HNRNPH3: variants seen among roughly 807,000 people sequenced by gnomAD.
The protein encoded by HNRNPH3 is heterogeneous nuclear ribonucleoprotein 2H9.
A neutral mutation model predicts 47.0 loss-of-function variants in HNRNPH3; 7 were observed. The observed-to-expected ratio is 0.15, with a 90% CI of 0.08 to 0.28. HNRNPH3 has a LOEUF of 0.28. HNRNPH3 is among the 10% of genes least tolerant of loss of function. The pLI is 1.00. For synonymous variants in HNRNPH3, 120 were observed against 143.2 expected (o/e 0.84, Z 1.16); for missense variants, 279 against 449.6 (o/e 0.62, Z 3.43).
At position 68,337,273 on chromosome 10, in the gene HNRNPH3, G is replaced by T; in HGVS notation, c.52G>T (p.Val18Leu). Residue 18 changes from valine to leucine, a missense_variant, in exon 2 of 10, where the codon GTA becomes TTA. Transcript: ENST00000265866. This position sits in a 1 kb window ranked among gnomAD's most constrained non-coding sequence, Gnocchi z 4.5. ...NGPNDASDGTVRLRGLPFGCS... is the reference protein window; with the variant it reads ...NGPNDASDGTLRLRGLPFGCS... ...TCCAAATGACGCTAGTGATGGGACA[G>T]TACGACTTCGTGGACTACCATTTGG... is the stretch of plus-strand genomic sequence containing the variant. 4.3e-6 allele frequency: 7 copies of T among 1,613,624 alleles called. No homozygotes were observed. The highest frequency in any genetic ancestry group is 5.9e-6 in the Non-Finnish European group (7 of 1,179,516).
At chr10:68,339,052 CTG>C in intron 4 of HNRNPH3, 86 bp from the exon 5 acceptor site, 1 of 1,055,782 alleles carries the variant, frequency 9.5e-7, no homozygotes. Context: ...GTTACACAGA[CTG>C]TTACCACAAA....
At chr10:68,333,930 A>G (rs2045379439) in intron 1 of HNRNPH3, among the ~76,000 whole-genome samples, 1 of 152,254 alleles carries the variant, frequency 6.6e-6, no homozygotes, top group Non-Finnish European at 1.5e-5. Context: ...TGTCCTGTAA[A>G]GTTATATATG....
At chr10:68,331,971 G>A (rs999009061), upstream of HNRNPH3, 1 of 152,456 alleles carries the variant, frequency 6.6e-6, no homozygotes, top group Non-Finnish European at 1.5e-5. Context: ...ATGCGAAACC[G>A]ACTTTCCCGT....
At chr10:68,336,081 A>G (rs1358019809) in intron 1 of HNRNPH3, among the ~76,000 whole-genome samples, 2 of 152,216 alleles carry the variant, frequency 1.3e-5, no homozygotes, top group Non-Finnish European at 2.9e-5. Context: ...AGATGCACCA[A>G]CAAATAGATG....
Position 68,341,188 on chromosome 10 carries a change from A to G in HNRNPH3, c.654A>G (p.Leu218=). Reference sequence around the variant, plus strand: ...CTTTTATTTAGTTCTTCTCACCACTAAATCCAATACGAGTTCATATTGATA... The same window carrying G: ...CTTTTATTTAGTTCTTCTCACCACTGAATCCAATACGAGTTCATATTGATA... The part of the protein sequence containing the change: ...ENDIANFFSP[L]NPIRVHIDIG... Residue 218 remains leucine, a synonymous_variant, in exon 7 of 10, where the codon CTA becomes CTG. Transcript: ENST00000265866. 6.4e-7 allele frequency: 1 copy of G among 1,574,054 alleles called. No homozygotes were observed. Among genetic ancestry groups the G allele is most frequent in the Non-Finnish European group, 8.6e-7 (1 of 1,166,456 alleles).
intron 3 of HNRNPH3, 95 bp downstream of exon 3, chr10:68,338,091 T>C: frequency 1.1e-6 from 1 of 939,120 alleles, no homozygotes; most frequent in Non-Finnish European, 1.5e-6. Flanking sequence ...AACATTTTTC[T>C]GGGGTAGTTT....
At chr10:68,335,438 T>A (rs78260198) in intron 1 of HNRNPH3, among the ~76,000 whole-genome samples, 11 of 60,966 alleles carry the variant, frequency 1.8e-4, no homozygotes, top group Admixed American at 6.9e-4. Context: ...TTAAAAAAAA[T>A]AAATAAAACG....
Position 68,332,107 on chromosome 10 carries a change from A to G in HNRNPH3, c.-133A>G, listed in dbSNP as rs961312219. 1 of 152,324 alleles carries G rather than the reference A, an allele frequency of 6.6e-6. No homozygotes were observed. Among genetic ancestry groups the G allele is most frequent in the Non-Finnish European group, 1.5e-5 (1 of 68,114 alleles). The allele number at this position is 152,324 out of a possible 1,614,324, so 9.4% of individuals were successfully genotyped here. ...CTCCCTAAGCGGTTGTCACCGCTGG[A>G]GACGGTTGGGAGAACCGTTGTGGCG... On this transcript the variant is annotated 5_prime_UTR_variant, in exon 1 of 10. Coordinates refer to ENST00000265866, the MANE Select transcript of HNRNPH3 (RefSeq NM_012207.3).
rs1462796313 is a variant in HNRNPH3, at chr10:68,339,464, G to A, written c.548G>A (p.Gly183Glu). Residue 183 changes from glycine to glutamate, a missense_variant, in exon 6 of 10, where the codon GGA (glycine) becomes GAA (glutamate). Gly to Glu is a moderately conservative substitution (Grantham distance 98). Around this residue, in one of 2 missense-constraint regions of HNRNPH3, gnomAD observed 239 missense variants for 335.8 expected, o/e 0.71. Transcript: ENST00000265866. Reference sequence around the variant, plus strand: ...GGTATGGGAGGACATGGCTATGGTGGAGCTGGTGATGCAAGTTCAGGTTTT... The same window carrying A: ...GGTATGGGAGGACATGGCTATGGTGAAGCTGGTGATGCAAGTTCAGGTTTT... ...GRGMGGHGYG[G>E]AGDASSGFHG... 6.2e-7 allele frequency: 1 copy of A among 1,613,924 alleles called. No homozygotes were observed. Among genetic ancestry groups the A allele is most frequent in the Non-Finnish European group, 8.5e-7 (1 of 1,179,904 alleles).
intron 6 of HNRNPH3, 129 bp downstream of exon 6, chr10:68,339,684 T>C: frequency 1.6e-6 from 1 of 613,796 alleles, no homozygotes; most frequent in Non-Finnish European, 2.8e-6. Context: ...AGATCTACCT[T>C]TAATTCTTTT....
In HNRNPH3 at chr10:68,342,986, T is replaced by C. The variant is rs797004829; in HGVS notation, c.*932T>C. ...AACAATCCTGCAGTTGGGTTTTGTATCTGATCCCTGCTTGGAGTTTTAGTT... is the reference window on the plus strand; with the variant it reads ...AACAATCCTGCAGTTGGGTTTTGTACCTGATCCCTGCTTGGAGTTTTAGTT... On this transcript the variant is annotated 3_prime_UTR_variant, in exon 10 of 10. Transcript: ENST00000265866. The C allele has an allele frequency of 3.9e-5, 6 of 152,320 alleles. No homozygotes were observed. Among genetic ancestry groups the C allele is most frequent in the African/African-American group, 1.4e-4 (6 of 41,586 alleles). 9.4% of individuals were successfully genotyped at this position (152,320 alleles called of 1,614,324 possible).
chr10:68,338,877 C>T, intron 4 of HNRNPH3, 190 bp downstream of exon 4: 1 of 538,532 alleles, frequency 1.9e-6, no homozygotes, highest in Non-Finnish European at 3.1e-6. Context: ...AAAACTTACA[C>T]AGAAATTAAA....
chr10:68,335,594 G>A (rs1411961722), intron 1 of HNRNPH3, among the ~76,000 whole-genome samples: 1 of 151,916 alleles, frequency 6.6e-6, no homozygotes, highest in African/African-American at 2.4e-5. Flanking sequence ...ATAATTCTCA[G>A]TTCTTTTCAA....
At position 68,341,288 on chromosome 10, in the gene HNRNPH3, T is replaced by A; in HGVS notation, c.754T>A (p.Ser252Thr). 5.0e-6 allele frequency: 8 copies of A among 1,601,334 alleles called. No homozygotes were observed. Among genetic ancestry groups the A allele is most frequent in the Non-Finnish European group, 6.8e-6 (8 of 1,177,290 alleles). ...VTHEDAVAAM[S>T]KDKNNMQHRY... Reference sequence around the variant, plus strand: ...ACATGAAGATGCAGTAGCTGCCATGTCTAAAGATAAAAATAACATGCGTAA... The same window carrying A: ...ACATGAAGATGCAGTAGCTGCCATGACTAAAGATAAAAATAACATGCGTAA... Residue 252 changes from serine to threonine, a missense_variant, in exon 7 of 10, where the codon TCT becomes ACT. This residue lies in a region of HNRNPH3 where 239 missense variants were observed against 335.8 expected (regional missense o/e 0.71). Coordinates refer to ENST00000265866, the MANE Select transcript of HNRNPH3 (RefSeq NM_012207.3).
At chr10:68,338,756 T>A in intron 4 of HNRNPH3, 69 bp downstream of exon 4, 1 of 1,280,174 alleles carries the variant, frequency 7.8e-7, no homozygotes, top group Non-Finnish European at 1.1e-6. Flanking sequence ...TGTCAAGAAA[T>A]ACAGAAATGG....
rs1464662555 is a variant in HNRNPH3 at position 68,337,771 on chromosome 10, A to T, written c.113-87A>T. On this transcript the variant is annotated intron_variant, in intron 2 of 9. Coordinates refer to ENST00000265866, the MANE Select transcript of HNRNPH3 (RefSeq NM_012207.3). This position sits in a 1 kb window ranked among gnomAD's most constrained non-coding sequence, Gnocchi z 4.5. ...TTTTGTTTTGTTTTGTTTTGTTTAG[A>T]CTTGTTTTAAATATTTGATTCAGAT... 5.7e-6 allele frequency: 4 copies of T among 701,400 alleles called. No homozygotes were observed. Among genetic ancestry groups the T allele is most frequent in the African/African-American group, 3.7e-5 (2 of 54,494 alleles). 43.4% of individuals were successfully genotyped at this position (701,400 alleles called of 1,614,324 possible). A position where few individuals can be genotyped will look rare whatever the true frequency, so the allele number is the denominator to read the frequency against.
At chr10:68,332,604 A>AG (rs1178597262) in intron 1 of HNRNPH3, among the ~76,000 whole-genome samples, 2 of 151,616 alleles carry the variant, frequency 1.3e-5, no homozygotes, top group Non-Finnish European at 2.9e-5. Flanking sequence ...AGGCCAGGGG[A>AG]GGGGGTGGTC....
In HNRNPH3 at chr10:68,340,355, A is replaced by G. The variant is rs555996523; in HGVS notation, c.639+800A>G. 4.6e-5 allele frequency among the ~76,000 whole-genome samples: 7 copies of G among 152,184 alleles called. No individual in the cohort carries two copies. The South Asian group carries it at 1.5e-3, about 32-fold the overall frequency. The stretch of plus-strand genomic sequence containing the variant: ...TATTAGGGTTTGAAAGAGTGAATAT[A>G]TAAATATTAGTGATTTGGTTTGGCT... On this transcript the variant is annotated intron_variant, in intron 6 of 9. Coordinates refer to ENST00000265866, the MANE Select transcript of HNRNPH3 (RefSeq NM_012207.3).
chr10:68,331,708 G>A (rs2045102471), upstream of HNRNPH3: 1 of 152,296 alleles, frequency 6.6e-6, no homozygotes, highest in Non-Finnish European at 1.5e-5. Flanking sequence ...ATTTGTTCAC[G>A]GTGGGGGCAG....
Sources: allele counts gnomAD v4.1 joint callset (sites outside exome capture counted in the v4.1 genomes callset), GRCh38; gene constraint gnomAD v4.1.1; regional missense constraint gnomAD v4.1.1; non-coding constraint Gnocchi (gnomAD v3.1); transcripts MANE v1.5; gene names NCBI Gene and HGNC (gene_info 2026-07-23, HGNC 2026-07-21).